The following LRP1B variants were observed in gnomAD, a reference collection of about 807,000 sequenced individuals.
LRP1B encodes the protein low-density lipoprotein receptor-related protein 1B.
LRP1B carries 217 observed loss-of-function variants against 556.6 expected under a neutral mutation model. The ratio of observed to expected loss-of-function variants is 0.39; its 90% CI spans 0.35 to 0.44. LRP1B has a LOEUF of 0.44. Ranked by LOEUF, LRP1B falls within the 20% of genes least tolerant of loss-of-function variation. The pLI is 1.00. For synonymous variants in LRP1B, 2,047 were observed against 1,865.8 expected, an observed-to-expected ratio of 1.10 and a Z score of -2.50; for missense variants, 5,053 against 5,620.8, an observed-to-expected ratio of 0.90 and a Z score of 3.23.
rs114365006 is a variant in LRP1B at position 141,146,342 on chromosome 2, C to G, written c.1013+42079G>C. Among the ~76,000 whole-genome samples the G allele has an allele frequency of 3.2e-3, 494 of 152,246 alleles. 6 individuals are homozygous for G. The highest frequency in any genetic ancestry group is 0.011 in the African/African-American group (470 of 41,544). Reference sequence around the variant, plus strand: ...CATTCACATTATTTCACCTTTCTTTCTAATATGTTTGGAGGGAAATCTGTT... The same window carrying G: ...CATTCACATTATTTCACCTTTCTTTGTAATATGTTTGGAGGGAAATCTGTT... On this transcript the variant is annotated intron_variant, in intron 7 of 90. Transcript: ENST00000389484.
chr2:140,443,123 C>G (rs947903365), intron 65 of LRP1B, among the ~76,000 whole-genome samples: 3 of 152,142 alleles, frequency 2.0e-5, no homozygotes, highest in African/African-American at 7.2e-5. Context: ...TTCAGTGACA[C>G]AGTCTTGGCT....
At chr2:141,677,538 G>A (rs905105559) in intron 2 of LRP1B, among the ~76,000 whole-genome samples, 1 of 151,918 alleles carries the variant, frequency 6.6e-6, no homozygotes, top group African/African-American at 2.4e-5. Context: ...TGCCCATGCT[G>A]GACTGCAATG....
At chr2:140,366,176 G>A (rs1573851511) in intron 71 of LRP1B, among the ~76,000 whole-genome samples, 1 of 151,828 alleles carries the variant, frequency 6.6e-6, no homozygotes, top group East Asian at 1.9e-4. Flanking sequence ...GAGAGGTCAT[G>A]GCAATCCAGA....
intron 20 of LRP1B, among the ~76,000 whole-genome samples, chr2:140,938,866 G>A (rs929772784): frequency 5.3e-5 from 8 of 151,744 alleles, no homozygotes; most frequent in East Asian, 1.9e-4. Context: ...TCTATCTTTC[G>A]GAAATTCACT....
chr2:140,466,463 C>T (rs1311083188), intron 60 of LRP1B, among the ~76,000 whole-genome samples: 3 of 152,098 alleles, frequency 2.0e-5, no homozygotes, highest in Non-Finnish European at 4.4e-5. Flanking sequence ...AATATTGACA[C>T]TTTAATATGA....
At chr2:141,878,603 CT>C (rs1311422733) in intron 1 of LRP1B, among the ~76,000 whole-genome samples, 1 of 151,826 alleles carries the variant, frequency 6.6e-6, no homozygotes, top group Non-Finnish European at 1.5e-5. Flanking sequence ...AATATTTCCC[CT>C]TTTGAGGTGT....
intron 2 of LRP1B, among the ~76,000 whole-genome samples, chr2:141,678,717 T>G (rs541814110): frequency 1.3e-3 from 205 of 152,118 alleles, no homozygotes; most frequent in African/African-American, 4.8e-3. Flanking sequence ...TAGAAAAATA[T>G]CAATAGGTAA....
chr2:142,019,591 C>G (rs891358398), intron 1 of LRP1B, among the ~76,000 whole-genome samples: 3 of 152,202 alleles, frequency 2.0e-5, no homozygotes, highest in Admixed American at 6.5e-5. Flanking sequence ...CAGTCTATCT[C>G]AATCCAGCAT....
intron 1 of LRP1B, among the ~76,000 whole-genome samples, chr2:141,821,229 C>G (rs1241293656): frequency 1.3e-5 from 2 of 152,162 alleles, no homozygotes; most frequent in Non-Finnish European, 2.9e-5. Context: ...GCTTCGATTC[C>G]CTCAATTTGT....
At chr2:141,900,125 C>A (rs193051702) in intron 1 of LRP1B, among the ~76,000 whole-genome samples, 2 of 151,958 alleles carry the variant, frequency 1.3e-5, no homozygotes, top group East Asian at 3.9e-4. Flanking sequence ...CAGTCCCAAT[C>A]GATATGGAGA....
intron 23 of LRP1B, among the ~76,000 whole-genome samples, chr2:140,896,673 G>T (rs1022890597): frequency 5.3e-5 from 8 of 152,048 alleles, no homozygotes; most frequent in African/African-American, 1.9e-4. Flanking sequence ...GTAGGTAGGG[G>T]GTATCCTTAT....
intron 86 of LRP1B, among the ~76,000 whole-genome samples, chr2:140,259,051 TCTAG>T (rs1320820041): frequency 6.6e-6 from 1 of 152,156 alleles, no homozygotes; most frequent in Admixed American, 6.6e-5. Context: ...AATTTCAAAC[TCTAG>T]CTAAGCATAC....
chr2:141,851,165 T>C (rs1697842762), intron 1 of LRP1B, among the ~76,000 whole-genome samples: 1 of 151,832 alleles, frequency 6.6e-6, no homozygotes, highest in Non-Finnish European at 1.5e-5. Context: ...CTGGCGTATA[T>C]TCATTTGGCA....
In LRP1B at chr2:140,492,656, C is replaced by A. The variant is rs2104863364; in HGVS notation, c.9072G>T (p.Glu3024Asp). Reference sequence around the variant, plus strand: ...AGCCATCAGTGCTAATTTTCCTTATCTCATGATGATCAGCAAGAATTAAAA... The same window carrying A: ...AGCCATCAGTGCTAATTTTCCTTATATCATGATGATCAGCAAGAATTAAAA... ...EPFLILADHH[E>D]IRKISTDGSN... The change falls in exon 57 of 91, where the codon GAG becomes GAT. Residue 3024 changes from glutamate to aspartate, a missense_variant. This residue lies in a region of LRP1B where 3,619 missense variants were observed against 3,931.9 expected (regional missense o/e 0.92). Transcript: ENST00000389484. The A allele has an allele frequency of 6.2e-7, 1 of 1,613,648 alleles. No individual in the cohort carries two copies. The highest frequency in any genetic ancestry group is 8.5e-7 in the Non-Finnish European group (1 of 1,179,670).
chr2:141,324,180 C>CCACA (rs1687356257), intron 3 of LRP1B, among the ~76,000 whole-genome samples: 1 of 148,318 alleles, frequency 6.7e-6, no homozygotes, highest in Non-Finnish European at 1.5e-5. Flanking sequence ...AACAAGGAAA[C>CCACA]CACACACACA....
chr2:141,571,858 A>C (rs1686542844), intron 2 of LRP1B, among the ~76,000 whole-genome samples: 1 of 152,206 alleles, frequency 6.6e-6, no homozygotes, highest in African/African-American at 2.4e-5. Flanking sequence ...TGCTGAAATA[A>C]GACATGCAGA....
intron 8 of LRP1B, among the ~76,000 whole-genome samples, chr2:141,060,327 GT>G (rs1699301408): frequency 6.6e-6 from 1 of 151,706 alleles, no homozygotes; most frequent in South Asian, 2.1e-4. Flanking sequence ...AGCCCGAATA[GT>G]TTTTTTGTAT....
At chr2:141,990,337 T>G (rs1365283765) in intron 1 of LRP1B, among the ~76,000 whole-genome samples, 2 of 152,028 alleles carry the variant, frequency 1.3e-5, no homozygotes, top group African/African-American at 4.8e-5. Flanking sequence ...ACTTTAAAAT[T>G]TAAAAATATT....
At chr2:141,077,752 A>G (rs1288341521) in intron 7 of LRP1B, among the ~76,000 whole-genome samples, 2 of 152,150 alleles carry the variant, frequency 1.3e-5, no homozygotes, top group Non-Finnish European at 2.9e-5. Context: ...ACAGATTTCA[A>G]TCTAACTAGC....
Sources: allele counts gnomAD v4.1 joint callset (sites outside exome capture counted in the v4.1 genomes callset), GRCh38; gene constraint gnomAD v4.1.1; regional missense constraint gnomAD v4.1.1; transcripts MANE v1.5; gene names NCBI Gene and HGNC (gene_info 2026-07-23, HGNC 2026-07-21).